SYT1: variants seen among roughly 807,000 people sequenced by gnomAD.
SYT1 encodes the protein synaptotagmin-1.
Under a neutral mutation model 44.8 loss-of-function variants are expected in SYT1, and 8 were observed. That is an observed-to-expected ratio of 0.18 (90% confidence interval 0.10 to 0.32). The LOEUF (loss-of-function observed/expected upper bound fraction) is 0.32, where lower values mean the gene tolerates loss of function less well. Ranked by LOEUF, SYT1 falls within the 10% of genes least tolerant of loss-of-function variation. SYT1 has a pLI of 1.00. For missense variants in SYT1, 286 were observed against 509.3 expected (o/e 0.56, Z 4.22); for synonymous variants, 154 against 188.8 (o/e 0.82, Z 1.51).
At chr12:79,321,393 T>C (rs1881351474) in intron 8 of SYT1, among the ~76,000 whole-genome samples, 1 of 152,224 alleles carries the variant, frequency 6.6e-6, no homozygotes, top group Non-Finnish European at 1.5e-5. Context: ...GAAAGAAATG[T>C]ATCATGTGAA....
intron 4 of SYT1, among the ~76,000 whole-genome samples, chr12:79,260,378 G>T (rs756891958): frequency 1.6e-4 from 24 of 152,118 alleles, no homozygotes; most frequent in Non-Finnish European, 2.9e-4. Flanking sequence ...TTGACATAAT[G>T]CTACTTTAAC....
chr12:79,152,175 T>C (rs111372428), intron 3 of SYT1, among the ~76,000 whole-genome samples: 36 of 152,262 alleles, frequency 2.4e-4, no homozygotes, highest in African/African-American at 8.7e-4. Flanking sequence ...TTAGATGACC[T>C]GCGAGAAAAG....
chr12:78,942,298 G>T (rs1476524291), intron 1 of SYT1, among the ~76,000 whole-genome samples: 1 of 152,088 alleles, frequency 6.6e-6, no homozygotes, highest in Admixed American at 6.6e-5. Context: ...TCTTATCCAG[G>T]CATTCAATGA....
In SYT1 at chr12:78,937,481, TTAA is replaced by T. The variant is rs763374036; in HGVS notation, c.-216-40312_-216-40310del. Among the ~76,000 whole-genome samples the T allele has an allele frequency of 6.6e-5, 10 of 152,248 alleles. No homozygotes were observed. In the East Asian group the frequency reaches 1.5e-3, roughly 23 times the overall value. ...GAGGATTATCATTGAAACACAATTA[TTAA>T]TAATATTTTTAGTACTTTTTTTAGA... is the stretch of plus-strand genomic sequence containing the variant. On this transcript the variant is annotated intron_variant, in intron 1 of 10. Transcript: ENST00000261205.
intron 8 of SYT1, among the ~76,000 whole-genome samples, chr12:79,340,593 T>C (rs1395540096): frequency 6.6e-6 from 1 of 152,214 alleles, no homozygotes; most frequent in African/African-American, 2.4e-5. Flanking sequence ...TTTCTAAATA[T>C]ACAATCATGT....
At chr12:78,870,789 AC>A (rs1565694701) in intron 1 of SYT1, among the ~76,000 whole-genome samples, 1 of 152,046 alleles carries the variant, frequency 6.6e-6, no homozygotes, top group East Asian at 1.9e-4. Context: ...CTCCATGCCT[AC>A]TGTGGGTAGG....
chr12:79,080,580 A>G (rs1213963110), intron 3 of SYT1, among the ~76,000 whole-genome samples: 1 of 152,182 alleles, frequency 6.6e-6, no homozygotes, highest in East Asian at 1.9e-4. Flanking sequence ...TAAGACAAAA[A>G]AAAATCACAA....
intron 2 of SYT1, among the ~76,000 whole-genome samples, chr12:79,026,667 TTATA>T (rs3064320): frequency 0.21 from 21,149 of 102,012 alleles, 2,046 homozygotes; most frequent in South Asian, 0.35. Flanking sequence ...CATATATATT[TTATA>T]TATATATATA....
At chr12:79,245,302 CAAAAAAAA>C (rs61324842) in intron 4 of SYT1, among the ~76,000 whole-genome samples, 2 of 104,220 alleles carry the variant, frequency 1.9e-5, no homozygotes. Flanking sequence ...CCCGTCTCTA[CAAAAAAAA>C]AAAAAAAAAA....
chr12:79,275,130 A>G (rs1047461649), intron 4 of SYT1, among the ~76,000 whole-genome samples: 1 of 152,122 alleles, frequency 6.6e-6, no homozygotes, highest in African/African-American at 2.4e-5. Flanking sequence ...ACCCCACAGG[A>G]CAAAAGAAAC....
chr12:79,114,178 G>A (rs987780047), intron 3 of SYT1, among the ~76,000 whole-genome samples: 12 of 152,266 alleles, frequency 7.9e-5, no homozygotes, highest in Middle Eastern at 3.4e-3. Flanking sequence ...AAATCTGAAG[G>A]ATGAGTAGGT....
chr12:78,907,832 T>C (rs1245554315), intron 1 of SYT1, among the ~76,000 whole-genome samples: 1 of 152,070 alleles, frequency 6.6e-6, no homozygotes, highest in Non-Finnish European at 1.5e-5. Context: ...TTCTTAGGAC[T>C]TAATAGAAGC....
chr12:78,951,280 CTATT>C (rs974173051), intron 1 of SYT1, among the ~76,000 whole-genome samples: 67 of 152,194 alleles, frequency 4.4e-4, no homozygotes, highest in African/African-American at 1.6e-3. Context: ...AGGAAGTCAT[CTATT>C]TATTTATTAA....
chr12:79,366,090 G>T (rs1883531755), intron 9 of SYT1, among the ~76,000 whole-genome samples: 1 of 152,004 alleles, frequency 6.6e-6, no homozygotes, highest in Non-Finnish European at 1.5e-5. Flanking sequence ...ACTAAAAGTT[G>T]CCAATTCGTG....
chr12:79,220,417 T>C (rs1411266767), intron 4 of SYT1, among the ~76,000 whole-genome samples: 1 of 152,038 alleles, frequency 6.6e-6, no homozygotes, highest in African/African-American at 2.4e-5. Context: ...CATTTCTTTC[T>C]GCTCTGATTT....
chr12:79,012,870 G>T (rs1871509776), intron 2 of SYT1, among the ~76,000 whole-genome samples: 1 of 152,080 alleles, frequency 6.6e-6, no homozygotes, highest in Non-Finnish European at 1.5e-5. Flanking sequence ...CCTTAATGTG[G>T]CTTGCTGTGC....
intron 1 of SYT1, among the ~76,000 whole-genome samples, chr12:78,929,693 C>G (rs151334223): frequency 8.6e-5 from 13 of 150,922 alleles, no homozygotes; most frequent in Non-Finnish European, 1.6e-4. Flanking sequence ...ACTTACTAGA[C>G]TTAATTTATT....
chr12:79,239,339 A>G (rs1029830744), intron 4 of SYT1, among the ~76,000 whole-genome samples: 3 of 152,238 alleles, frequency 2.0e-5, no homozygotes, highest in Admixed American at 6.5e-5. Context: ...ATCAAGAATA[A>G]AGAAAGTCTG....
chr12:79,217,837 T>G, intron 4 of SYT1, 152 bp downstream of exon 4: 1 of 566,182 alleles, frequency 1.8e-6, no homozygotes. Flanking sequence ...AAATGAAATA[T>G]TCTTGGAAAT....
Sources: gnomAD v4.1 joint callset for allele counts (sites outside exome capture counted in the v4.1 genomes callset) on GRCh38, gnomAD v4.1.1 for gene constraint, MANE v1.5 for transcripts, NCBI Gene and HGNC (gene_info 2026-07-23, HGNC 2026-07-21) for gene names.